The following RAD54L2 variants were observed in gnomAD, a reference collection of about 807,000 sequenced individuals.
RAD54L2 encodes RAD54 like 2.
In RAD54L2, 27 loss-of-function variants were observed where a neutral mutation model predicts 138.4. The ratio of observed to expected loss-of-function variants is 0.20; its 90% CI spans 0.14 to 0.27. The LOEUF is 0.27. Ranked by LOEUF, RAD54L2 falls within the 10% of genes least tolerant of loss-of-function variation. The pLI is 1.00. For synonymous variants in RAD54L2, 644 were observed against 723.2 expected (o/e 0.89, Z 1.76); for missense variants, 1,396 against 1,890.2 (o/e 0.74, Z 4.85).
chr3:51,661,658 C>T (rs1701777921), intron 22 of RAD54L2, among the ~76,000 whole-genome samples: 1 of 152,196 alleles, frequency 6.6e-6, no homozygotes, highest in Non-Finnish European at 1.5e-5. Flanking sequence ...CTCTTGTTCC[C>T]TGCTTTGTAT....
Position 51,663,993 on chromosome 3 carries a change from CAG to C in RAD54L2, c.*576_*577del, listed in dbSNP as rs1701858184. ...TTATTTTGTATGTGTATGTATGGAACAGAGCAGGGGTGAAGGTGGGAGGGGAG... is the reference window on the plus strand; with the variant it reads ...TTATTTTGTATGTGTATGTATGGAACAGCAGGGGTGAAGGTGGGAGGGGAG... On this transcript the variant is annotated 3_prime_UTR_variant, in exon 23 of 23. Coordinates refer to ENST00000684192, the MANE Select transcript of RAD54L2 (RefSeq NM_015106.4). 1 of 150,834 alleles carries C rather than the reference CAG, an allele frequency of 6.6e-6. No individual in the cohort carries two copies. Among genetic ancestry groups the C allele is most frequent in the Admixed American group, 6.6e-5 (1 of 15,144 alleles). The allele number at this position is 150,834 out of a possible 1,614,324, so 9.3% of individuals were successfully genotyped here.
intron 2 of RAD54L2, among the ~76,000 whole-genome samples, chr3:51,570,139 ATTTTTTTTTTTT>A (rs374562749): frequency 2.0e-5 from 2 of 100,986 alleles, no homozygotes; most frequent in African/African-American, 3.9e-5. Flanking sequence ...AGCCTTTTTA[ATTTTTTTTTTTT>A]TTTTTTTTTT....
rs915681800 is a variant in RAD54L2, at chr3:51,634,055, C to G, written c.1142+20C>G. The G allele has an allele frequency of 1.2e-6, 2 of 1,609,096 alleles. No homozygotes were observed. The highest frequency in any genetic ancestry group is 1.7e-6 in the Non-Finnish European group (2 of 1,178,034). On this transcript the variant is annotated intron_variant, in intron 9 of 22. Transcript: ENST00000684192. ...GCACAAGTAGGTGGCCTGCCCTTTC[C>G]TCTCTGCCCCTTTCCTTTTAGACTT...
intron 19 of RAD54L2, among the ~76,000 whole-genome samples, chr3:51,653,772 G>A (rs1359070175): frequency 6.6e-6 from 1 of 152,148 alleles, no homozygotes; most frequent in African/African-American, 2.4e-5. Context: ...CACACACTGG[G>A]GCCTGGCATG....
chr3:51,572,204 T>C (rs1482063035), intron 2 of RAD54L2, among the ~76,000 whole-genome samples: 1 of 152,108 alleles, frequency 6.6e-6, no homozygotes, highest in Non-Finnish European at 1.5e-5. Flanking sequence ...ATCTAAGCAC[T>C]TTGGGAGGCC....
At position 51,582,832 on chromosome 3, in the gene RAD54L2, C is replaced by G. The variant is rs1172822642; in HGVS notation, c.-54-7535C>G. Among the ~76,000 whole-genome samples, 4 of 151,180 alleles carry G rather than the reference C, an allele frequency of 2.6e-5. No individual in the cohort carries two copies. The East Asian group carries it at 7.9e-4, about 30-fold the overall frequency. On this transcript the variant is annotated intron_variant, in intron 2 of 22. Coordinates refer to ENST00000684192, the MANE Select transcript of RAD54L2 (RefSeq NM_015106.4). Reference sequence around the variant, plus strand: ...GGACTGCGGACTGCAGTGGCGCAATCTCGGCTCACTGCAAGCTCTGCTTCC... The same window carrying G: ...GGACTGCGGACTGCAGTGGCGCAATGTCGGCTCACTGCAAGCTCTGCTTCC...
intron 2 of RAD54L2, among the ~76,000 whole-genome samples, chr3:51,551,952 A>G (rs190391788): frequency 2.3e-4 from 35 of 151,526 alleles, no homozygotes; most frequent in African/African-American, 7.0e-4. Flanking sequence ...GGGTTTCACT[A>G]TGTTGGCCAG....
chr3:51,554,042 A>G (rs1421457934), intron 2 of RAD54L2, among the ~76,000 whole-genome samples: 1 of 152,134 alleles, frequency 6.6e-6, no homozygotes, highest in Non-Finnish European at 1.5e-5. Flanking sequence ...CAGGGTGGTG[A>G]TTGCTGAAGA....
chr3:51,617,145 T>C (rs543398634), intron 3 of RAD54L2, among the ~76,000 whole-genome samples: 4 of 152,364 alleles, frequency 2.6e-5, no homozygotes, highest in Non-Finnish European at 4.4e-5. Flanking sequence ...GACACTTGAC[T>C]CTTATGAATA....
chr3:51,653,191 C>T (rs941153816), intron 19 of RAD54L2, among the ~76,000 whole-genome samples: 1 of 152,218 alleles, frequency 6.6e-6, no homozygotes, highest in African/African-American at 2.4e-5. Flanking sequence ...TGTTCATCAT[C>T]ACTGGCCATC....
chr3:51,655,931 T>G, intron 19 of RAD54L2, 40 bp from the exon 20 acceptor site: 1 of 1,529,756 alleles, frequency 6.5e-7, no homozygotes, highest in Admixed American at 1.9e-5. Context: ...TAACAGTTGT[T>G]CTGCCAAACT....
At chr3:51,627,266 A>G (rs1397155740) in intron 3 of RAD54L2, among the ~76,000 whole-genome samples, 1 of 152,142 alleles carries the variant, frequency 6.6e-6, no homozygotes. Flanking sequence ...TGATCATAGC[A>G]CTAAACTACA....
At chr3:51,654,385 T>C (rs1559655397) in intron 19 of RAD54L2, among the ~76,000 whole-genome samples, 1 of 152,154 alleles carries the variant, frequency 6.6e-6, no homozygotes, top group Non-Finnish European at 1.5e-5. Context: ...GAAGATACTT[T>C]TAAGTAGAAA....
chr3:51,631,420 CTTTTTTT>C (rs898540419), intron 7 of RAD54L2, among the ~76,000 whole-genome samples: 9 of 128,308 alleles, frequency 7.0e-5, no homozygotes, highest in African/African-American at 1.7e-4. Context: ...ATTAAGAACT[CTTTTTTT>C]TTTTTTTTTT....
At chr3:51,648,152 C>T (rs575523284) in intron 19 of RAD54L2, among the ~76,000 whole-genome samples, 1 of 152,344 alleles carries the variant, frequency 6.6e-6, no homozygotes, top group South Asian at 2.1e-4. Flanking sequence ...ATATCCCGCA[C>T]CTGTCTCAGT....
intron 3 of RAD54L2, among the ~76,000 whole-genome samples, chr3:51,620,774 G>A (rs1352708142): frequency 2.0e-5 from 3 of 152,182 alleles, no homozygotes; most frequent in Non-Finnish European, 2.9e-5. Flanking sequence ...AACTAGGCCT[G>A]ATTCTGTAAT....
intron 2 of RAD54L2, among the ~76,000 whole-genome samples, chr3:51,542,117 C>A (rs1012176476): frequency 1.3e-5 from 2 of 152,134 alleles, no homozygotes; most frequent in Middle Eastern, 3.2e-3. Flanking sequence ...CTTTTTCTTG[C>A]TCAATTTTTG....
At chr3:51,617,686 G>A (rs1245795460) in intron 3 of RAD54L2, among the ~76,000 whole-genome samples, 3 of 152,064 alleles carry the variant, frequency 2.0e-5, no homozygotes, top group Non-Finnish European at 4.4e-5. Context: ...GATCAGCCTG[G>A]GCAACATAGT....
At chr3:51,628,686 G>A (rs1700753902) in intron 4 of RAD54L2, among the ~76,000 whole-genome samples, 1 of 151,758 alleles carries the variant, frequency 6.6e-6, no homozygotes, top group African/African-American at 2.4e-5. Context: ...CACTGTGCCC[G>A]GCCAATCCTA....
Sources: allele counts gnomAD v4.1 joint callset (sites outside exome capture counted in the v4.1 genomes callset), GRCh38; gene constraint gnomAD v4.1.1; transcripts MANE v1.5; gene names NCBI Gene and HGNC (gene_info 2026-07-23, HGNC 2026-07-21).